NCKAP5: variants seen among roughly 807,000 people sequenced by gnomAD.
NCKAP5 encodes NCK associated protein 5.
A neutral mutation model predicts 167.0 loss-of-function variants in NCKAP5; 92 were observed. That is an observed-to-expected ratio of 0.55 (90% confidence interval 0.47 to 0.66). The LOEUF is 0.66. Ranked by LOEUF, NCKAP5 falls within the 30% of genes least tolerant of loss-of-function variation. The pLI, the probability that NCKAP5 is intolerant of heterozygous loss-of-function variation, is 0.00. For missense variants in NCKAP5, 2,378 were observed against 2,315.0 expected (o/e 1.03, Z -0.56); for synonymous variants, 891 against 877.4 (o/e 1.02, Z -0.27).
the NCKAP5 span, among the ~76,000 whole-genome samples, chr2:133,577,829 T>G: frequency 1.5e-4 from 23 of 152,172 alleles, no homozygotes; most frequent in African/African-American, 5.6e-4. Context: ...CTCCCTGTCC[T>G]CTTAACCAGA....
intron 6 of NCKAP5, among the ~76,000 whole-genome samples, chr2:133,054,308 C>T (rs530537611): frequency 2.0e-5 from 3 of 152,072 alleles, no homozygotes; most frequent in Non-Finnish European, 4.4e-5. Flanking sequence ...AGAACCTGTA[C>T]AGAAATAACC....
chr2:132,716,124 T>G (rs924876123), intron 19 of NCKAP5, among the ~76,000 whole-genome samples: 1 of 152,170 alleles, frequency 6.6e-6, no homozygotes, highest in African/African-American at 2.4e-5. Context: ...GAATGTCACC[T>G]GGGGGATGGA....
At chr2:133,522,857 T>G (rs1180334251) in intron 2 of NCKAP5, among the ~76,000 whole-genome samples, 1 of 152,238 alleles carries the variant, frequency 6.6e-6, no homozygotes, top group Non-Finnish European at 1.5e-5. Flanking sequence ...GTCTTTTCTA[T>G]GTCTTCCAAC....
At chr2:133,514,796 T>C (rs776779207) in intron 3 of NCKAP5, among the ~76,000 whole-genome samples, 2 of 152,172 alleles carry the variant, frequency 1.3e-5, no homozygotes, top group Non-Finnish European at 2.9e-5. Flanking sequence ...AGAACTTAAG[T>C]GACAGGTTGT....
At chr2:133,348,070 A>G (rs563602089) in intron 3 of NCKAP5, among the ~76,000 whole-genome samples, 4 of 152,324 alleles carry the variant, frequency 2.6e-5, no homozygotes, top group Admixed American at 6.5e-5. Flanking sequence ...GATGTGGCAC[A>G]GGGATAGCAT....
chr2:133,446,451 C>A (rs1322477588), intron 3 of NCKAP5, among the ~76,000 whole-genome samples: 1 of 152,180 alleles, frequency 6.6e-6, no homozygotes, highest in Non-Finnish European at 1.5e-5. Context: ...TTAATTCTTA[C>A]CCCAACTTTT....
the NCKAP5 span, among the ~76,000 whole-genome samples, chr2:133,600,741 A>C: frequency 9.2e-5 from 14 of 152,310 alleles, no homozygotes; most frequent in African/African-American, 3.1e-4. Context: ...AGGCAGTCAC[A>C]TTCACAGGCC....
At chr2:133,483,116 T>C (rs1262852543) in intron 3 of NCKAP5, among the ~76,000 whole-genome samples, 4 of 152,204 alleles carry the variant, frequency 2.6e-5, no homozygotes, top group East Asian at 3.8e-4. Flanking sequence ...TTCTTATCTA[T>C]CATCTGTTTT....
rs536928472 is a variant in NCKAP5, at chr2:133,104,347, C to G, written c.341+25631G>C. On this transcript the variant is annotated intron_variant, in intron 6 of 19. Transcript: ENST00000409261. The stretch of plus-strand genomic sequence containing the variant: ...ATGTCCTCCATCAGTGAACAGAAAA[C>G]CGGAGATGTTATTGGTGAGACCAGA... 2.6e-5 allele frequency among the ~76,000 whole-genome samples: 4 copies of G among 152,278 alleles called. No homozygotes were observed. The East Asian group carries it at 7.7e-4, about 29-fold the overall frequency.
At chr2:133,509,664 G>A (rs1246743821) in intron 3 of NCKAP5, among the ~76,000 whole-genome samples, 3 of 152,208 alleles carry the variant, frequency 2.0e-5, no homozygotes, top group Non-Finnish European at 2.9e-5. Context: ...TCTTCTCAGG[G>A]AACATAATGG....
chr2:133,034,789 A>C (rs2078989359), intron 6 of NCKAP5, among the ~76,000 whole-genome samples: 1 of 152,104 alleles, frequency 6.6e-6, no homozygotes, highest in Admixed American at 6.5e-5. Context: ...CTAAAAAGCA[A>C]GAAACTAATT....
At chr2:133,017,404 T>C (rs1322191545) in intron 6 of NCKAP5, among the ~76,000 whole-genome samples, 1 of 152,192 alleles carries the variant, frequency 6.6e-6, no homozygotes, top group Non-Finnish European at 1.5e-5. Context: ...TTTCCTAATG[T>C]AGAACCAGAA....
chr2:133,483,074 T>TTATC (rs139981921), intron 3 of NCKAP5, among the ~76,000 whole-genome samples: 125 of 152,318 alleles, frequency 8.2e-4, no homozygotes, highest in African/African-American at 2.9e-3. Flanking sequence ...TAACATTCCT[T>TTATC]TATCTATCTA....
intron 19 of NCKAP5, among the ~76,000 whole-genome samples, chr2:132,682,020 G>T (rs1014017975): frequency 6.6e-6 from 1 of 152,188 alleles, no homozygotes; most frequent in African/African-American, 2.4e-5. Flanking sequence ...GAGCTGGTCA[G>T]CTTTTCATTT....
chr2:133,526,265 G>GA (rs1684906519), intron 2 of NCKAP5, among the ~76,000 whole-genome samples: 2 of 33,484 alleles, frequency 6.0e-5, no homozygotes, highest in Admixed American at 3.7e-4. Context: ...GGGAGGGAAG[G>GA]AGGGAGGGAG....
the NCKAP5 span, among the ~76,000 whole-genome samples, chr2:133,625,795 C>G: frequency 1.4e-4 from 21 of 150,310 alleles, 1 homozygote; most frequent in South Asian, 4.2e-3. Context: ...TGGCGTGAAC[C>G]TGGGAGGCGG....
At chr2:133,547,229 G>C (rs997669974) in intron 2 of NCKAP5, among the ~76,000 whole-genome samples, 2 of 152,150 alleles carry the variant, frequency 1.3e-5, no homozygotes, top group Non-Finnish European at 2.9e-5. Context: ...AGGGTCCTAC[G>C]CCCACGGAGT....
At chr2:133,474,154 A>ATCTATCTATCTATTTATC (rs369130877) in intron 3 of NCKAP5, among the ~76,000 whole-genome samples, 9 of 135,378 alleles carry the variant, frequency 6.6e-5, no homozygotes, top group African/African-American at 3.4e-4. Flanking sequence ...CTATCTATCT[A>ATCTATCTATCTATTTATC]TACACACACA....
chr2:133,608,655 T>C, the NCKAP5 span, among the ~76,000 whole-genome samples: 2 of 152,268 alleles, frequency 1.3e-5, no homozygotes, highest in South Asian at 2.1e-4. Flanking sequence ...CCTCAAAAGG[T>C]TTTGTTTGAG....
Sources: allele counts gnomAD v4.1 joint callset (sites outside exome capture counted in the v4.1 genomes callset), GRCh38; gene constraint gnomAD v4.1.1; transcripts MANE v1.5; gene names NCBI Gene and HGNC (gene_info 2026-07-23, HGNC 2026-07-21).